HDAC1: variants seen among roughly 807,000 people sequenced by gnomAD.
HDAC1 encodes histone deacetylase 1.
A neutral mutation model predicts 65.5 loss-of-function variants in HDAC1; 18 were observed. The observed-to-expected ratio is 0.27, with a 90% CI of 0.19 to 0.41. The LOEUF (loss-of-function observed/expected upper bound fraction) is 0.41. Ranked by LOEUF, HDAC1 falls within the 10% of genes least tolerant of loss-of-function variation. The probability of loss-of-function intolerance (pLI) is 1.00; values close to 1 mark genes in which losing one functional copy is unlikely to be tolerated. For synonymous variants in HDAC1, 211 were observed against 227.9 expected, an observed-to-expected ratio of 0.93 and a Z score of 0.67; for missense variants, 373 against 625.2, an observed-to-expected ratio of 0.60 and a Z score of 4.30.
intron 1 of HDAC1, among the ~76,000 whole-genome samples, chr1:32,302,088 G>A (rs892650948): frequency 6.6e-6 from 1 of 152,162 alleles, no homozygotes; most frequent in Non-Finnish European, 1.5e-5. Context: ...GAAGGCTAGT[G>A]TTATAGATTA....
chr1:32,332,145 GGAGGGA>G lies in HDAC1; in HGVS notation c.1281_1286del (p.Glu428_Gly429del). On this transcript the variant is annotated inframe_deletion, in exon 12 of 14. Transcript: ENST00000373548. Reference sequence around the variant, plus strand: ...AGGAAGAGTTCTCCGATTCTGAAGAGGAGGGAGAGGGGGGCCGCAAGAACTCTTCCA... The same window carrying G: ...AGGAAGAGTTCTCCGATTCTGAAGAGGAGGGGGGCCGCAAGAACTCTTCCA... 1.2e-6 allele frequency: 2 copies of G among 1,613,336 alleles called. No individual in the cohort carries two copies. Among genetic ancestry groups the G allele is most frequent in the Non-Finnish European group, 1.7e-6 (2 of 1,179,548 alleles).
chr1:32,327,600 T>G lies in HDAC1; in HGVS notation c.559T>G (p.Phe187Val), dbSNP rs1304821590. The stretch of plus-strand genomic sequence containing the variant: ...CCATGGTGACGGCGTGGAAGAGGCC[T>G]TCTACACCACGGACCGGGTCATGAC... ...IHHGDGVEEA[F>V]YTTDRVMTVS... Residue 187 changes from phenylalanine (F) to valine (V), a missense_variant, in exon 6 of 14, where the codon TTC becomes GTC. Coordinates refer to ENST00000373548, the MANE Select transcript of HDAC1 (RefSeq NM_004964.3). This position sits in a 1 kb window ranked among gnomAD's most constrained non-coding sequence, Gnocchi z 6.0. 1 of 1,612,770 alleles carries G rather than the reference T, an allele frequency of 6.2e-7. No homozygotes were observed. Among genetic ancestry groups the G allele is most frequent in the Non-Finnish European group, 8.5e-7 (1 of 1,178,818 alleles).
At position 32,332,202 on chromosome 1, in the gene HDAC1, A is replaced by C. The variant is rs1244006084; in HGVS notation, c.1332A>C (p.Lys444Asn). Reference protein sequence around the residue: ...SSNFKKAKRVKTEDEKEKDPE... With the variant: ...SSNFKKAKRVNTEDEKEKDPE... ...ACTTCAAAAAAGCCAAGAGAGTCAAAACAGAGGATGAAAAAGAGAAAGACC... is the reference window on the plus strand; with the variant it reads ...ACTTCAAAAAAGCCAAGAGAGTCAACACAGAGGATGAAAAAGAGAAAGACC... Residue 444 changes from lysine (K) to asparagine (N), a missense_variant, in exon 12 of 14, where the codon AAA becomes AAC. Physicochemically the swap from Lys to Asn is moderately conservative, Grantham distance 94 (BLOSUM62 0). Coordinates refer to ENST00000373548, the MANE Select transcript of HDAC1 (RefSeq NM_004964.3). 1 of 1,613,652 alleles carries C rather than the reference A, an allele frequency of 6.2e-7. No individual in the cohort carries two copies. The highest frequency in any genetic ancestry group is 8.5e-7 in the Non-Finnish European group (1 of 1,179,678).
chr1:32,332,776 C>T (rs1415610747), intron 13 of HDAC1, 27 bp downstream of exon 13: 1 of 1,542,206 alleles, frequency 6.5e-7, no homozygotes, highest in Admixed American at 2.0e-5. Flanking sequence ...CTGTGGCCAT[C>T]TCCCTGGCAT....
chr1:32,295,813 G>A (rs1640761082), intron 1 of HDAC1, among the ~76,000 whole-genome samples: 1 of 152,196 alleles, frequency 6.6e-6, no homozygotes, highest in Non-Finnish European at 1.5e-5. Context: ...GTCTTGCCAT[G>A]TTGTCCAGGC....
intron 3 of HDAC1, among the ~76,000 whole-genome samples, chr1:32,320,761 G>A (rs781781209): frequency 6.6e-5 from 10 of 151,620 alleles, no homozygotes; most frequent in Non-Finnish European, 1.5e-4. Flanking sequence ...TTAGCCATGT[G>A]TGGTGGTATA....
At chr1:32,315,350 T>A (rs766291184) in intron 2 of HDAC1, among the ~76,000 whole-genome samples, 34 of 151,522 alleles carry the variant, frequency 2.2e-4, no homozygotes, top group Non-Finnish European at 2.9e-4. Context: ...ACATATATAT[T>A]TTTTTTAATT....
At chr1:32,304,087 G>A (rs901103176) in intron 2 of HDAC1, among the ~76,000 whole-genome samples, 51 of 152,246 alleles carry the variant, frequency 3.3e-4, no homozygotes, top group African/African-American at 1.2e-3. Flanking sequence ...TGTTACAAGA[G>A]TCCAAATGAG....
chr1:32,325,675 T>C (rs1641207348), intron 4 of HDAC1, among the ~76,000 whole-genome samples: 2 of 152,228 alleles, frequency 1.3e-5, no homozygotes, highest in African/African-American at 2.4e-5. Flanking sequence ...CTTGAGTTGA[T>C]ATAATCTGTC....
In HDAC1 at chr1:32,330,768, G is replaced by A; in HGVS notation, c.839G>A (p.Gly280Glu). 6.2e-7 allele frequency: 1 copy of A among 1,614,140 alleles called. No individual in the cohort carries two copies. Among genetic ancestry groups the A allele is most frequent in the East Asian group, 2.2e-5 (1 of 44,880 alleles). Reference sequence around the variant, plus strand: ...CTCAGCACCCCTTCTCCCACCAAAGGACACGCCAAGTGTGTGGAATTTGTC... The same window carrying A: ...CTCAGCACCCCTTCTCCCACCAAAGAACACGCCAAGTGTGTGGAATTTGTC... ...RLGCFNLTIK[G>E]HAKCVEFVKS... Residue 280 changes from glycine (G) to glutamate (E), a missense_variant and splice_region_variant, in exon 9 of 14, where the codon GGA becomes GAA. Physicochemically the swap from Gly to Glu is moderately conservative, Grantham distance 98 (BLOSUM62 -2). Transcript: ENST00000373548. The surrounding 1 kb of genome is among the most constrained non-coding windows in gnomAD (Gnocchi z 4.2).
Position 32,333,122 on chromosome 1 carries a change from TTC to T in HDAC1, c.*82_*83del, listed in dbSNP as rs1238483360. ...ACCCCTCAGATTTTATATTTTCTATTTCTCTGTGTATTTATATAAAAATTTAT... is the reference window on the plus strand; with the variant it reads ...ACCCCTCAGATTTTATATTTTCTATTTCTGTGTATTTATATAAAAATTTAT... On this transcript the variant is annotated 3_prime_UTR_variant, in exon 14 of 14. Transcript: ENST00000373548. 1.7e-5 allele frequency: 19 copies of T among 1,136,104 alleles called. No individual in the cohort carries two copies. The highest frequency in any genetic ancestry group is 4.4e-4 in the Middle Eastern group (2 of 4,568). The allele number at this position is 1,136,104 out of a possible 1,614,324, so 70.4% of individuals were successfully genotyped here.
At chr1:32,308,378 C>T (rs1165493578) in intron 2 of HDAC1, among the ~76,000 whole-genome samples, 3 of 152,076 alleles carry the variant, frequency 2.0e-5, no homozygotes, top group Non-Finnish European at 4.4e-5. Context: ...AGTACTTTAA[C>T]GTTTTAAGAT....
chr1:32,308,276 G>A (rs564850071), intron 2 of HDAC1, among the ~76,000 whole-genome samples: 1 of 152,142 alleles, frequency 6.6e-6, no homozygotes, highest in Non-Finnish European at 1.5e-5. Flanking sequence ...CCGAGATCGT[G>A]CCATTGCACT....
chr1:32,327,698 C>G lies in HDAC1; in HGVS notation c.636+21C>G, dbSNP rs1641236882. 6.2e-7 allele frequency: 1 copy of G among 1,612,594 alleles called. No individual in the cohort carries two copies. The highest frequency in any genetic ancestry group is 8.5e-7 in the Non-Finnish European group (1 of 1,178,624). The stretch of plus-strand genomic sequence containing the variant: ...TACGGGTGAGAACGCCCTTTAGGAG[C>G]CAACCGGCTTACCCTCAGCTGGCAG... On this transcript the variant is annotated intron_variant, in intron 6 of 13. Transcript: ENST00000373548. This position sits in a 1 kb window ranked among gnomAD's most constrained non-coding sequence, Gnocchi z 6.0.
In HDAC1 at chr1:32,327,904, A is replaced by G; in HGVS notation, c.636+227A>G. ...GAAGAGGGGTCTCCTGACTCACTGT[A>G]CTTTCCTCCTGGCCACAGCTGGGTT... On this transcript the variant is annotated intron_variant, in intron 6 of 13. Coordinates refer to ENST00000373548, the MANE Select transcript of HDAC1 (RefSeq NM_004964.3). This position sits in a 1 kb window ranked among gnomAD's most constrained non-coding sequence, Gnocchi z 6.0. 1.7e-6 allele frequency: 1 copy of G among 589,682 alleles called. No individual in the cohort carries two copies. Among genetic ancestry groups the G allele is most frequent in the Non-Finnish European group, 3.1e-6 (1 of 327,136 alleles). 36.5% of individuals were successfully genotyped at this position (589,682 alleles called of 1,614,324 possible). A position where few individuals can be genotyped will look rare whatever the true frequency, so the allele number is the denominator to read the frequency against.
At chr1:32,309,453 G>A (rs1253364117) in intron 2 of HDAC1, among the ~76,000 whole-genome samples, 4 of 152,216 alleles carry the variant, frequency 2.6e-5, no homozygotes, top group South Asian at 4.2e-4. Context: ...TTGGGAGGCC[G>A]AGGCAGGCGG....
Position 32,330,353 on chromosome 1 carries a change from G to GT in HDAC1, c.730-223dup, listed in dbSNP as rs1192707019. On this transcript the variant is annotated intron_variant, in intron 7 of 13. Transcript: ENST00000373548. The surrounding 1 kb of genome is among the most constrained non-coding windows in gnomAD (Gnocchi z 4.2). Reference sequence around the variant, plus strand: ...AGAGGGAGGCCATTCTAGGTTCAGTGTTACTAGAGTGTTAGAAGGGTCTTA... The same window carrying GT: ...AGAGGGAGGCCATTCTAGGTTCAGTGTTTACTAGAGTGTTAGAAGGGTCTTA... 1.2e-5 allele frequency: 6 copies of GT among 516,634 alleles called. No homozygotes were observed. Among genetic ancestry groups the GT allele is most frequent in the Admixed American group, 3.2e-5 (1 of 30,920 alleles). 32.0% of individuals were successfully genotyped at this position (516,634 alleles called of 1,614,324 possible).
intron 2 of HDAC1, among the ~76,000 whole-genome samples, chr1:32,304,957 T>C (rs1640893350): frequency 6.6e-6 from 1 of 151,884 alleles, no homozygotes; most frequent in Non-Finnish European, 1.5e-5. Flanking sequence ...AGAGATCTTC[T>C]TACTTTGGTC....
chr1:32,311,382 C>T (rs776830786), intron 2 of HDAC1, among the ~76,000 whole-genome samples: 31 of 152,002 alleles, frequency 2.0e-4, no homozygotes, highest in Admixed American at 4.6e-4. Flanking sequence ...ACGGGAGAAT[C>T]GCTGAACTTG....
Sources: gnomAD v4.1 joint callset for allele counts (sites outside exome capture counted in the v4.1 genomes callset) on GRCh38, gnomAD v4.1.1 for gene constraint, Gnocchi (gnomAD v3.1) non-coding constraint, MANE v1.5 for transcripts, NCBI Gene and HGNC (gene_info 2026-07-23, HGNC 2026-07-21) for gene names.